Variants in NAPEPLD observed in about 807,000 individuals in gnomAD.
NAPEPLD encodes N-acyl phosphatidylethanolamine phospholipase D, also known as N-acyl-phosphatidylethanolamine-hydrolyzing phospholipase D.
A neutral mutation model predicts 38.1 loss-of-function variants in NAPEPLD; 23 were observed. The ratio of observed to expected loss-of-function variants is 0.60; its 90% CI spans 0.43 to 0.86. NAPEPLD has a LOEUF of 0.86. Ranked by LOEUF, NAPEPLD falls within the 40% of genes least tolerant of loss-of-function variation. NAPEPLD has a pLI of 0.00. For synonymous variants in NAPEPLD, 147 were observed against 162.0 expected, an observed-to-expected ratio of 0.91 and a Z score of 0.71; for missense variants, 411 against 476.8, an observed-to-expected ratio of 0.86 and a Z score of 1.28.
intron 1 of NAPEPLD, among the ~76,000 whole-genome samples, chr7:103,143,075 A>AAC (rs141176948): frequency 0.66 from 99,215 of 149,244 alleles, 35,157 homozygotes; most frequent in Middle Eastern, 0.85. Context: ...AAAAAAACAA[A>AAC]AAAACAAAAA....
intron 4 of NAPEPLD, among the ~76,000 whole-genome samples, chr7:103,111,801 T>C (rs1294504650): frequency 6.6e-6 from 1 of 152,092 alleles, no homozygotes; most frequent in East Asian, 1.9e-4. Context: ...CAAAAAAAAT[T>C]ATCAGCAGAA....
intron 1 of NAPEPLD, among the ~76,000 whole-genome samples, chr7:103,143,286 A>G (rs575740840): frequency 1.3e-5 from 2 of 152,246 alleles, no homozygotes; most frequent in African/African-American, 4.8e-5. Flanking sequence ...ATAATTGAGT[A>G]GTTAAATTCT....
chr7:103,137,815 CAA>C (rs79429621), intron 1 of NAPEPLD, among the ~76,000 whole-genome samples: 90,949 of 107,562 alleles, frequency 0.85, 38,269 homozygotes, highest in South Asian at 0.96. Flanking sequence ...GATGCTGTCT[CAA>C]AAAAAAAAAA....
chr7:103,147,197 T>C (rs1305681793), intron 1 of NAPEPLD, among the ~76,000 whole-genome samples: 1 of 152,256 alleles, frequency 6.6e-6, no homozygotes, highest in African/African-American at 2.4e-5. Flanking sequence ...GGCGTTAGAA[T>C]GAAATATTAC....
chr7:103,128,152 G>C, intron 2 of NAPEPLD: 1 of 284,636 alleles, frequency 3.5e-6, no homozygotes, highest in East Asian at 7.6e-5. Context: ...CATCTACCTG[G>C]AAAATCACTG....
At position 103,144,343 on chromosome 7, in the gene NAPEPLD, G is replaced by T. The variant is rs116740261; in HGVS notation, c.-17+4468C>A. Among the ~76,000 whole-genome samples the T allele has an allele frequency of 3.8e-3, 576 of 152,198 alleles. 4 individuals are homozygous for T. The highest frequency in any genetic ancestry group is 0.014 in the African/African-American group (568 of 41,514). On this transcript the variant is annotated intron_variant, in intron 1 of 4. Coordinates refer to ENST00000465647, the MANE Select transcript of NAPEPLD (RefSeq NM_001122838.3). ...TTTTCTCCCCTTTTGCAAAGTAAAA[G>T]GTACTTGGGAGATGCTCAATAAATA...
intron 2 of NAPEPLD, among the ~76,000 whole-genome samples, chr7:103,121,541 G>A (rs1316201297): frequency 3.9e-5 from 6 of 152,104 alleles, no homozygotes; most frequent in Non-Finnish European, 8.8e-5. Flanking sequence ...CTGTCACTGG[G>A]AAAACTCTTA....
chr7:103,149,216 G>A (rs1813238291), upstream of NAPEPLD: 2 of 997,582 alleles, frequency 2.0e-6, no homozygotes, highest in Non-Finnish European at 2.4e-6. Context: ...CGGACACTCG[G>A]GATCCCGGGC....
At chr7:103,109,122 TCC>T (rs1469570680) in intron 4 of NAPEPLD, among the ~76,000 whole-genome samples, 1 of 152,056 alleles carries the variant, frequency 6.6e-6, no homozygotes, top group East Asian at 1.9e-4. Flanking sequence ...AGACTTAGAC[TCC>T]CACACAATAA....
intron 4 of NAPEPLD, among the ~76,000 whole-genome samples, chr7:103,103,946 G>GT (rs548812533): frequency 1.3e-5 from 2 of 151,490 alleles, no homozygotes; most frequent in African/African-American, 2.4e-5. Context: ...ATCAAATTGT[G>GT]GTGTGTGTGT....
chr7:103,104,354 G>A (rs560894001), intron 4 of NAPEPLD, among the ~76,000 whole-genome samples: 3 of 152,204 alleles, frequency 2.0e-5, no homozygotes, highest in Non-Finnish European at 2.9e-5. Flanking sequence ...CGATTCCCAA[G>A]GGAGAAACCA....
At chr7:103,127,122 C>T (rs1807982367) in intron 2 of NAPEPLD, 1 of 151,992 alleles carries the variant, frequency 6.6e-6, no homozygotes, top group Admixed American at 6.6e-5. Context: ...TGAAAGGGCC[C>T]ACCACACACA....
intron 1 of NAPEPLD, among the ~76,000 whole-genome samples, chr7:103,145,472 T>C (rs1196048115): frequency 6.6e-6 from 1 of 152,250 alleles, no homozygotes; most frequent in African/African-American, 2.4e-5. Context: ...CCAAGAATTG[T>C]AAAGTATTTC....
intron 1 of NAPEPLD, among the ~76,000 whole-genome samples, chr7:103,138,136 C>T (rs1563369355): frequency 6.6e-6 from 1 of 151,770 alleles, no homozygotes; most frequent in Admixed American, 6.6e-5. Flanking sequence ...CGCCACCAAG[C>T]CTGGTTAATT....
At position 103,120,180 on chromosome 7, in the gene NAPEPLD, G is replaced by C. The variant is rs773026684; in HGVS notation, c.338C>G (p.Thr113Ser). The change falls in exon 3 of 5, where the codon ACT becomes AGT. Residue 113 changes from threonine to serine, a missense_variant. Transcript: ENST00000465647. ...CCTCACTCCAGCTTCTTCAGGGTTA[G>C]TGATAAAATATGGCTTAAGCACTGG... ...ELPVLKPYFI[T>S]NPEEAGVREA... is the part of the protein sequence containing the mutation. 1.9e-6 allele frequency: 3 copies of C among 1,614,160 alleles called. No homozygotes were observed. The highest frequency in any genetic ancestry group is 1.7e-6 in the Non-Finnish European group (2 of 1,180,034).
intron 4 of NAPEPLD, among the ~76,000 whole-genome samples, chr7:103,108,590 A>G (rs1357838579): frequency 6.6e-6 from 1 of 152,228 alleles, no homozygotes; most frequent in Non-Finnish European, 1.5e-5. Context: ...TCCTGAAGGA[A>G]GCACTAAACA....
At chr7:103,131,048 TAG>T (rs1808834725) in intron 1 of NAPEPLD, among the ~76,000 whole-genome samples, 1 of 152,156 alleles carries the variant, frequency 6.6e-6, no homozygotes, top group Non-Finnish European at 1.5e-5. Context: ...TGTACAAGTT[TAG>T]AGAGTTTAAG....
At position 103,100,916 on chromosome 7, in the gene NAPEPLD, G is replaced by A. The variant is rs962325211; in HGVS notation, c.*2513C>T. Reference sequence around the variant, plus strand: ...ACATGAGTGGTAATAAAAAATTACAGCTTACAAAAGGGCCTAGAAAAATGA... The same window carrying A: ...ACATGAGTGGTAATAAAAAATTACAACTTACAAAAGGGCCTAGAAAAATGA... On this transcript the variant is annotated 3_prime_UTR_variant, in exon 5 of 5. Transcript: ENST00000465647. The A allele has an allele frequency of 1.3e-5, 2 of 152,166 alleles. No individual in the cohort carries two copies. The highest frequency in any genetic ancestry group is 2.9e-5 in the Non-Finnish European group (2 of 68,028). The allele number at this position is 152,166 out of a possible 1,614,324, so 9.4% of individuals were successfully genotyped here. A position where few individuals can be genotyped will look rare whatever the true frequency, so the allele number is the denominator to read the frequency against.
At chr7:103,104,543 G>A (rs1290172282) in intron 4 of NAPEPLD, among the ~76,000 whole-genome samples, 1 of 152,148 alleles carries the variant, frequency 6.6e-6, no homozygotes, top group Non-Finnish European at 1.5e-5. Context: ...CCACACACAG[G>A]TCATCCTTTT....
Sources: allele counts gnomAD v4.1 joint callset (sites outside exome capture counted in the v4.1 genomes callset), GRCh38; gene constraint gnomAD v4.1.1; transcripts MANE v1.5; gene names NCBI Gene and HGNC (gene_info 2026-07-23, HGNC 2026-07-21).